The following FSTL5 variants were observed in gnomAD, a reference collection of about 807,000 sequenced individuals.
FSTL5 encodes follistatin-related protein 5.
A neutral mutation model predicts 89.1 loss-of-function variants in FSTL5; 62 were observed. That is an observed-to-expected ratio of 0.70 (90% CI 0.57 to 0.86). The LOEUF (loss-of-function observed/expected upper bound fraction) is 0.86, where lower values mean the gene tolerates loss of function less well. Among genes scored for constraint, FSTL5 ranks in the 40% least tolerant of loss-of-function variants. The probability of loss-of-function intolerance (pLI) is 0.00; values close to 1 mark genes in which losing one functional copy is unlikely to be tolerated. For synonymous variants in FSTL5, 383 were observed against 346.2 expected, an observed-to-expected ratio of 1.11 and a Z score of -1.18; for missense variants, 1,057 against 1,001.6, an observed-to-expected ratio of 1.06 and a Z score of -0.75.
intron 7 of FSTL5, among the ~76,000 whole-genome samples, chr4:161,655,183 ATAT>A (rs1736473240): frequency 6.6e-6 from 1 of 152,130 alleles, no homozygotes. Context: ...CATTAAATAG[ATAT>A]TATTGATAAT....
intron 6 of FSTL5, among the ~76,000 whole-genome samples, chr4:161,730,804 G>T (rs1034177023): frequency 1.3e-5 from 2 of 152,048 alleles, no homozygotes; most frequent in Non-Finnish European, 2.9e-5. Flanking sequence ...GAGTAGTTTA[G>T]ATTTACAGAT....
At chr4:162,132,582 G>A (rs985921170) in intron 1 of FSTL5, among the ~76,000 whole-genome samples, 3 of 151,842 alleles carry the variant, frequency 2.0e-5, no homozygotes, top group African/African-American at 7.3e-5. Flanking sequence ...CACCAATTCC[G>A]GACACAAAAA....
At chr4:161,968,599 C>T (rs1735390331) in intron 3 of FSTL5, among the ~76,000 whole-genome samples, 1 of 151,836 alleles carries the variant, frequency 6.6e-6, no homozygotes, top group South Asian at 2.1e-4. Context: ...ATTTGGTAAC[C>T]TGGAGGTTAG....
chr4:161,815,423 T>C (rs1730293296), intron 4 of FSTL5, among the ~76,000 whole-genome samples: 1 of 152,070 alleles, frequency 6.6e-6, no homozygotes, highest in Admixed American at 6.5e-5. Flanking sequence ...AAGAAAATAT[T>C]TGTATCCTAA....
At chr4:161,955,994 G>C (rs995559682) in intron 3 of FSTL5, among the ~76,000 whole-genome samples, 1 of 151,778 alleles carries the variant, frequency 6.6e-6, no homozygotes, top group Non-Finnish European at 1.5e-5. Flanking sequence ...GAGATTGTAA[G>C]AATGAGAATC....
intron 3 of FSTL5, among the ~76,000 whole-genome samples, chr4:161,977,639 A>AAAAAAAAAAAAAAAAT (rs1553988132): frequency 2.0e-5 from 2 of 101,242 alleles, no homozygotes; most frequent in African/African-American, 4.1e-5. Context: ...AAAAAAAAAA[A>AAAAAAAAAAAAAAAAT]AATAATAATA....
intron 12 of FSTL5, among the ~76,000 whole-genome samples, chr4:161,481,557 G>A (rs973201039): frequency 6.6e-6 from 1 of 152,144 alleles, no homozygotes; most frequent in East Asian, 1.9e-4. Context: ...CACAACATTG[G>A]TGGCTGTCCT....
At chr4:161,726,227 C>CTTTTTTTTTTTTTTTTT (rs5863477) in intron 6 of FSTL5, among the ~76,000 whole-genome samples, 1 of 113,674 alleles carries the variant, frequency 8.8e-6, no homozygotes, top group African/African-American at 3.4e-5. Context: ...TTTTCTTTTT[C>CTTTTTTTTTTTTTTTTT]TTTTTTTTTT....
At chr4:161,558,903 C>T (rs994842608) in intron 8 of FSTL5, among the ~76,000 whole-genome samples, 1 of 151,874 alleles carries the variant, frequency 6.6e-6, no homozygotes, top group African/African-American at 2.4e-5. Flanking sequence ...TCAATTTGAT[C>T]TCAATTTTTC....
chr4:161,890,043 G>A (rs1732937292), intron 4 of FSTL5, among the ~76,000 whole-genome samples: 1 of 152,180 alleles, frequency 6.6e-6, no homozygotes, highest in South Asian at 2.1e-4. Context: ...CCATCTGTCT[G>A]ATATGGTTCT....
chr4:162,100,781 T>C (rs912315309), intron 2 of FSTL5, among the ~76,000 whole-genome samples: 2 of 152,164 alleles, frequency 1.3e-5, no homozygotes, highest in Admixed American at 1.3e-4. Flanking sequence ...ATAGAGTGAC[T>C]CTTTGTACTC....
At chr4:162,112,403 G>A (rs765307748) in intron 1 of FSTL5, among the ~76,000 whole-genome samples, 4 of 151,986 alleles carry the variant, frequency 2.6e-5, no homozygotes, top group African/African-American at 4.8e-5. Context: ...CCATCAGGCC[G>A]AATTAATGTT....
chr4:161,987,998 A>G (rs1223825762), intron 3 of FSTL5, among the ~76,000 whole-genome samples: 2 of 151,888 alleles, frequency 1.3e-5, no homozygotes, highest in Admixed American at 6.6e-5. Flanking sequence ...AAAATTTCTA[A>G]TTGAAAATAC....
intron 8 of FSTL5, among the ~76,000 whole-genome samples, chr4:161,550,521 G>A (rs1310115359): frequency 6.7e-6 from 1 of 149,300 alleles, no homozygotes; most frequent in Non-Finnish European, 1.5e-5. Flanking sequence ...ACTTTTTTTT[G>A]TATTTTATTT....
At chr4:162,061,702 T>C (rs1738722944) in intron 2 of FSTL5, among the ~76,000 whole-genome samples, 1 of 152,120 alleles carries the variant, frequency 6.6e-6, no homozygotes, top group South Asian at 2.1e-4. Flanking sequence ...ACGCAGTCCT[T>C]CTAAACACAG....
chr4:161,973,324 C>T (rs1735538458), intron 3 of FSTL5, among the ~76,000 whole-genome samples: 2 of 152,224 alleles, frequency 1.3e-5, no homozygotes, highest in South Asian at 4.1e-4. Context: ...ATGATAGCTC[C>T]ATTCTGTTAA....
At chr4:161,942,439 T>G (rs721198) in intron 3 of FSTL5, among the ~76,000 whole-genome samples, 1 of 151,940 alleles carries the variant, frequency 6.6e-6, no homozygotes, top group Admixed American at 6.6e-5. Flanking sequence ...AAAGATAAAG[T>G]GGGATCATTA....
chr4:161,582,671 A>AT (rs370014715), intron 8 of FSTL5, among the ~76,000 whole-genome samples: 1 of 152,106 alleles, frequency 6.6e-6, no homozygotes, highest in East Asian at 1.9e-4. Flanking sequence ...TCATTATTCT[A>AT]TTTTTTGTTT....
intron 6 of FSTL5, among the ~76,000 whole-genome samples, chr4:161,699,732 G>T (rs943940703): frequency 6.6e-6 from 1 of 152,140 alleles, no homozygotes; most frequent in Admixed American, 6.5e-5. Flanking sequence ...TACGTATCCT[G>T]AGAGCATTCC....
Sources: gnomAD v4.1 joint callset for allele counts (sites outside exome capture counted in the v4.1 genomes callset) on GRCh38, gnomAD v4.1.1 for gene constraint, MANE v1.5 for transcripts, NCBI Gene and HGNC (gene_info 2026-07-23, HGNC 2026-07-21) for gene names.